Variants in ASB14 observed in about 807,000 individuals in gnomAD.
ASB14 encodes ankyrin repeat and SOCS box protein 14.
Under a neutral mutation model 55.6 loss-of-function variants are expected in ASB14, and 63 were observed. The ratio of observed to expected loss-of-function variants is 1.13; its 90% confidence interval spans 0.92 to 1.40. ASB14 has a LOEUF of 1.40. Ranked by LOEUF, ASB14 falls within the 40% of genes most tolerant of loss-of-function variation. The pLI is 0.00. For synonymous variants in ASB14, 256 were observed against 259.9 expected (o/e 0.98, Z 0.15); for missense variants, 724 against 710.4 (o/e 1.02, Z -0.22).
chr3:57,289,540 TGTCA>T (rs968262621), intron 2 of ASB14, among the ~76,000 whole-genome samples: 33 of 152,180 alleles, frequency 2.2e-4, no homozygotes, highest in Admixed American at 8.5e-4. Context: ...ATAAAAATGG[TGTCA>T]GTATTAAAAA....
chr3:57,278,552 T>G lies in ASB14; in HGVS notation c.1256A>C (p.Asn419Thr), dbSNP rs2061009679. Residue 419 changes from asparagine (N) to threonine (T), a missense_variant, in exon 8 of 11, where the codon AAC (asparagine) becomes ACC (threonine). Asn to Thr is a moderately conservative substitution (Grantham distance 65). Coordinates refer to ENST00000487349, the MANE Select transcript of ASB14 (RefSeq NM_001142733.3). ...GANVNYFCRV[N>T]PLHFPSALQY... ...CAGTGCTGATGGGAAATGTAAAGGGTTAACTCTGCAGAAGTAATTGACATT... is the reference window on the plus strand; with the variant it reads ...CAGTGCTGATGGGAAATGTAAAGGGGTAACTCTGCAGAAGTAATTGACATT... 1 of 1,613,940 alleles carries G rather than the reference T, an allele frequency of 6.2e-7. No homozygotes were observed. Among genetic ancestry groups the G allele is most frequent in the Non-Finnish European group, 8.5e-7 (1 of 1,180,010 alleles).
chr3:57,289,711 G>A (rs1227621079), intron 2 of ASB14, among the ~76,000 whole-genome samples: 1 of 17,436 alleles, frequency 5.7e-5, no homozygotes, highest in African/African-American at 1.1e-4. Context: ...TTTTTTTTTT[G>A]AGATGGAGTC....
At chr3:57,284,890 A>C (rs1471953190) in intron 5 of ASB14, among the ~76,000 whole-genome samples, 1 of 151,328 alleles carries the variant, frequency 6.6e-6, no homozygotes, top group African/African-American at 2.4e-5. Context: ...AGGGACCCCA[A>C]ATCCTAATTT....
At chr3:57,290,511 TCTC>T (rs1466824230) in intron 2 of ASB14, among the ~76,000 whole-genome samples, 3 of 152,212 alleles carry the variant, frequency 2.0e-5, no homozygotes, top group Non-Finnish European at 2.9e-5. Flanking sequence ...TAGCCTTACT[TCTC>T]CTTTGCCATG....
chr3:57,269,892 T>C (rs886213023), intron 10 of ASB14: 2 of 469,358 alleles, frequency 4.3e-6, no homozygotes, highest in Non-Finnish European at 7.2e-6. Flanking sequence ...TAATGTACTA[T>C]GTATTAACAT....
rs370899139 is a variant in ASB14, at chr3:57,283,528, G to A, written c.470-89C>T. 230 of 1,360,178 alleles carry A rather than the reference G, an allele frequency of 1.7e-4. 2 individuals are homozygous for A. The African/African-American group carries it at 2.9e-3, about 17-fold the overall frequency. The allele number at this position is 1,360,178 out of a possible 1,614,324, so 84.3% of individuals were successfully genotyped here. On this transcript the variant is annotated intron_variant, in intron 5 of 10. Coordinates refer to ENST00000487349, the MANE Select transcript of ASB14 (RefSeq NM_001142733.3). ...CAAGTATCCCTCAGGCTTTCTTAAG[G>A]AGTTCTTCCCACCCACTCCCAGACC... is the stretch of plus-strand genomic sequence containing the variant.
intron 2 of ASB14, among the ~76,000 whole-genome samples, chr3:57,291,516 G>T (rs767855306): frequency 3.3e-5 from 5 of 152,138 alleles, no homozygotes; most frequent in Admixed American, 6.5e-5. Flanking sequence ...ATCAAAGACT[G>T]GACCCCATCC....
intron 8 of ASB14, 142 bp downstream of exon 8, chr3:57,278,235 A>G (rs1181088202): frequency 1.8e-5 from 12 of 654,844 alleles, no homozygotes; most frequent in African/African-American, 7.2e-5. Flanking sequence ...TTATTTTATC[A>G]TAATTATTTT....
chr3:57,269,863 C>A, intron 10 of ASB14: 1 of 688,024 alleles, frequency 1.5e-6, no homozygotes. Context: ...TTGCATTGAT[C>A]TTTTTTCCCC....
At chr3:57,289,251 A>G in intron 2 of ASB14, 128 bp from the exon 3 acceptor site, 1 of 641,778 alleles carries the variant, frequency 1.6e-6, no homozygotes, top group Non-Finnish European at 2.7e-6. Context: ...GGAGGCAATG[A>G]CTGAGGCATA....
intron 3 of ASB14, 46 bp from the exon 4 acceptor site, chr3:57,288,332 CAAGG>C: frequency 2.6e-6 from 4 of 1,524,592 alleles, no homozygotes; most frequent in Non-Finnish European, 3.5e-6. Flanking sequence ...GGCACACTTA[CAAGG>C]AAGCCCATAT....
chr3:57,288,708 CT>C (rs747854434), intron 3 of ASB14, among the ~76,000 whole-genome samples: 2,134 of 102,374 alleles, frequency 0.021, 40 homozygotes, highest in African/African-American at 0.064. Context: ...CATATCTTTC[CT>C]TTTTTTTTTT....
chr3:57,274,869 G>A (rs1054751242), intron 10 of ASB14, among the ~76,000 whole-genome samples: 5 of 152,030 alleles, frequency 3.3e-5, no homozygotes, highest in African/African-American at 1.2e-4. Context: ...ACCGGTAAAT[G>A]GTCAGCCATA....
At chr3:57,285,015 C>G (rs890707894) in intron 5 of ASB14, among the ~76,000 whole-genome samples, 7 of 147,506 alleles carry the variant, frequency 4.7e-5, no homozygotes, top group Non-Finnish European at 7.4e-5. Context: ...TCTTGGCTCA[C>G]TGCAACCTCG....
chr3:57,280,272 ATTAT>A, intron 7 of ASB14, 26 bp downstream of exon 7: 1 of 1,427,526 alleles, frequency 7.0e-7, no homozygotes, highest in South Asian at 1.5e-5. Flanking sequence ...TACTGTTTTT[ATTAT>A]TTATAATAAT....
At chr3:57,278,325 C>T (rs559584469) in intron 8 of ASB14, 52 bp downstream of exon 8, 1 of 1,473,150 alleles carries the variant, frequency 6.8e-7, no homozygotes, top group East Asian at 2.3e-5. Context: ...GCCATAGTTC[C>T]AGGGCCACAA....
At chr3:57,287,340 C>T (rs766160676) in intron 5 of ASB14, among the ~76,000 whole-genome samples, 1 of 152,092 alleles carries the variant, frequency 6.6e-6, no homozygotes, top group Non-Finnish European at 1.5e-5. Context: ...CCAGAGAACC[C>T]CCGGCAGCCT....
intron 6 of ASB14, among the ~76,000 whole-genome samples, chr3:57,281,002 T>C (rs1406389572): frequency 6.6e-6 from 1 of 152,194 alleles, no homozygotes; most frequent in Non-Finnish European, 1.5e-5. Context: ...GTTGTAGTTA[T>C]TAGTACAGAG....
In ASB14 at chr3:57,278,483, T is replaced by A; in HGVS notation, c.1325A>T (p.Asn442Ile). Residue 442 changes from asparagine to isoleucine, a missense_variant, in exon 8 of 11, where the codon AAC becomes ATC. Asn to Ile is a moderately radical substitution (Grantham distance 149, BLOSUM62 -3). Coordinates refer to ENST00000487349, the MANE Select transcript of ASB14 (RefSeq NM_001142733.3). Reference sequence around the variant, plus strand: ...ACATCGCTCTGTGTCATACCCATAGTTCAGCAGCATCCTGAGCATGACTTC... The same window carrying A: ...ACATCGCTCTGTGTCATACCCATAGATCAGCAGCATCCTGAGCATGACTTC... ...KDEVMLRMLL[N>I]YGYDTERCFD... 1 of 1,614,200 alleles carries A rather than the reference T, an allele frequency of 6.2e-7. No individual in the cohort carries two copies. Among genetic ancestry groups the A allele is most frequent in the Non-Finnish European group, 8.5e-7 (1 of 1,180,016 alleles).
Sources: allele counts gnomAD v4.1 joint callset (sites outside exome capture counted in the v4.1 genomes callset), GRCh38; gene constraint gnomAD v4.1.1; transcripts MANE v1.5; gene names NCBI Gene and HGNC (gene_info 2026-07-23, HGNC 2026-07-21).